KIF1A: variants seen among roughly 807,000 people sequenced by gnomAD.
KIF1A encodes kinesin-like protein KIF1A.
Under a neutral mutation model 227.3 loss-of-function variants are expected in KIF1A, and 46 were observed. The observed-to-expected ratio is 0.20, with a 90% CI of 0.16 to 0.26. KIF1A has a LOEUF of 0.26. KIF1A is among the 10% of genes least tolerant of loss of function. The pLI is 1.00. For missense variants in KIF1A, 1,683 were observed against 2,485.9 expected (o/e 0.68, Z 6.87); for synonymous variants, 1,022 against 1,012.8 (o/e 1.01, Z -0.17).
At chr2:240,720,872 C>G (rs1474607024) in intron 45 of KIF1A, 42 bp downstream of exon 45, 5 of 1,515,808 alleles carry the variant, frequency 3.3e-6, no homozygotes, top group Non-Finnish European at 4.5e-6. Context: ...ATGGGTCAGC[C>G]GTGGTGCCAG....
intron 23 of KIF1A, among the ~76,000 whole-genome samples, chr2:240,762,039 C>T (rs1575588758): frequency 1.3e-5 from 2 of 152,234 alleles, no homozygotes; most frequent in Admixed American, 1.3e-4. Context: ...CCTCCCAACA[C>T]AGCACTACAC....
At position 240,737,143 on chromosome 2, in the gene KIF1A, G is replaced by C. The variant is rs745933421; in HGVS notation, c.3927C>G (p.Thr1309=). ...VVGRIRNTPE[T]DESLIDPNIL... is the part of the protein sequence containing the mutation. ...TGTTGGGGTCGATCAGGGACTCGTC[G>C]GTCTCTGGAGTGTTTCGGATGCGGC... The change falls in exon 38 of 49, where the codon ACC becomes ACG. Residue 1309 remains threonine (T), a synonymous_variant. Transcript: ENST00000498729. 1 of 1,613,506 alleles carries C rather than the reference G, an allele frequency of 6.2e-7. No individual in the cohort carries two copies. The highest frequency in any genetic ancestry group is 1.7e-5 in the Admixed American group (1 of 59,990).
intron 1 of KIF1A, among the ~76,000 whole-genome samples, chr2:240,817,917 C>T (rs1471322657): frequency 6.6e-6 from 1 of 152,216 alleles, no homozygotes. Flanking sequence ...GGGCAGTGAC[C>T]CCAGTTTTAA....
At position 240,790,727 on chromosome 2, in the gene KIF1A, G is replaced by T. The variant is rs1414298366; in HGVS notation, c.107-1415C>A. ...AAGAGGAGATTTGGAGACAGGGAGG[G>T]TGCCATGAGAACATGAGGGCAGAGA... is the stretch of plus-strand genomic sequence containing the variant. On this transcript the variant is annotated intron_variant, in intron 2 of 48. Transcript: ENST00000498729. This position sits in a 1 kb window ranked among gnomAD's most constrained non-coding sequence, Gnocchi z 5.0. Among the ~76,000 whole-genome samples, 1 of 152,018 alleles carries T rather than the reference G, an allele frequency of 6.6e-6. No individual in the cohort carries two copies. The highest frequency in any genetic ancestry group is 2.4e-5 in the African/African-American group (1 of 41,382).
chr2:240,719,462 C>T (rs1266871281), intron 46 of KIF1A, among the ~76,000 whole-genome samples: 1 of 152,250 alleles, frequency 6.6e-6, no homozygotes, highest in Non-Finnish European at 1.5e-5. Context: ...TGAAGGCTGT[C>T]ACACTGTACC....
At chr2:240,747,137 C>T in intron 29 of KIF1A, 99 bp downstream of exon 29, 1 of 797,632 alleles carries the variant, frequency 1.3e-6, no homozygotes, top group Non-Finnish European at 2.1e-6. Flanking sequence ...ACTCAGGGCC[C>T]GTGGGATGGG....
chr2:240,763,016 C>A lies in KIF1A; in HGVS notation c.2022+3G>T. The A allele has an allele frequency of 6.7e-7, 1 of 1,495,588 alleles. No individual in the cohort carries two copies. The highest frequency in any genetic ancestry group is 8.9e-7 in the Non-Finnish European group (1 of 1,124,262). 92.6% of individuals were successfully genotyped at this position (1,495,588 alleles called of 1,614,324 possible). Reference sequence around the variant, plus strand: ...GCAGGGAGGGCGGGGCCACGTCACTCACCAGCCGCTGCTGCTCCAGCAGGT... The same window carrying A: ...GCAGGGAGGGCGGGGCCACGTCACTAACCAGCCGCTGCTGCTCCAGCAGGT... On this transcript the variant is annotated splice_donor_region_variant and intron_variant, in intron 22 of 48. Transcript: ENST00000498729.
chr2:240,760,324 G>A (rs917500469), intron 25 of KIF1A, among the ~76,000 whole-genome samples: 40 of 152,280 alleles, frequency 2.6e-4, no homozygotes, highest in Admixed American at 1.8e-3. Context: ...TTGGCGCTCC[G>A]CCAGCCTGTT....
intron 32 of KIF1A, 31 bp downstream of exon 32, chr2:240,745,396 C>G: frequency 6.5e-7 from 1 of 1,528,386 alleles, no homozygotes; most frequent in Non-Finnish European, 9.1e-7. Flanking sequence ...CAGTCAGTGG[C>G]AGGGATGGGG....
rs936396818 is a variant in KIF1A at position 240,775,146 on chromosome 2, C to T, written c.958+705G>A. ...GGCCCATCCATCCGCAGGCCTGCTG[C>T]GGTCTGCAATACTGACCTGAGCTGG... On this transcript the variant is annotated intron_variant, in intron 11 of 48. Coordinates refer to ENST00000498729, the MANE Select transcript of KIF1A (RefSeq NM_001244008.2). This position sits in a 1 kb window ranked among gnomAD's most constrained non-coding sequence, Gnocchi z 5.5. 2.0e-5 allele frequency among the ~76,000 whole-genome samples: 3 copies of T among 152,226 alleles called. No homozygotes were observed. The highest frequency in any genetic ancestry group is 2.9e-5 in the Non-Finnish European group (2 of 68,038).
In KIF1A at chr2:240,804,288, T is replaced by C. The variant is rs374694402; in HGVS notation, c.-60-6476A>G. ...CTCAAAAAAGTAATAATAATAACAA[T>C]AATATTTCCCAACAGAGAGCAAAAG... is the stretch of plus-strand genomic sequence containing the variant. On this transcript the variant is annotated intron_variant, in intron 1 of 48. Transcript: ENST00000498729. Among the ~76,000 whole-genome samples, 7 of 152,182 alleles carry C rather than the reference T, an allele frequency of 4.6e-5. No individual in the cohort carries two copies. In the South Asian group the frequency reaches 1.2e-3, roughly 27 times the overall value.
chr2:240,755,721 G>A (rs2049771094), intron 27 of KIF1A, among the ~76,000 whole-genome samples: 1 of 152,200 alleles, frequency 6.6e-6, no homozygotes, highest in Admixed American at 6.5e-5. Context: ...AATGTTGGAA[G>A]GACCCAGCTC....
chr2:240,817,721 C>T (rs983758492), intron 1 of KIF1A, among the ~76,000 whole-genome samples: 9 of 152,192 alleles, frequency 5.9e-5, no homozygotes, highest in African/African-American at 1.4e-4. Context: ...TTGGCCGGCC[C>T]GGCTGAGTGG....
At position 240,762,735 on chromosome 2, in the gene KIF1A, C is replaced by T. The variant is rs374701055; in HGVS notation, c.2100G>A (p.Glu700=). ...ACCCCTCACCTTCATCCTCGGGCTC[C>T]TCCTCCTCCTCGTTCACCTCCGGGT... ...RYYPEVNEEE[E]EPEDEVQWTE... is the part of the protein sequence containing the mutation. Residue 700 remains glutamate, a synonymous_variant, in exon 23 of 49, where the codon GAG becomes GAA. Coordinates refer to ENST00000498729, the MANE Select transcript of KIF1A (RefSeq NM_001244008.2). The T allele has an allele frequency of 5.0e-6, 8 of 1,594,388 alleles. No individual in the cohort carries two copies. Among genetic ancestry groups the T allele is most frequent in the Non-Finnish European group, 6.9e-6 (8 of 1,165,290 alleles).
intron 1 of KIF1A, among the ~76,000 whole-genome samples, chr2:240,806,331 A>C (rs986286744): frequency 2.0e-5 from 3 of 152,266 alleles, no homozygotes; most frequent in African/African-American, 7.2e-5. Context: ...GTACTAGTCC[A>C]TTCCTGGATA....
chr2:240,765,508 T>C lies in KIF1A; in HGVS notation c.1768+202A>G, dbSNP rs564932819. Among the ~76,000 whole-genome samples the C allele has an allele frequency of 2.0e-5, 3 of 152,318 alleles. No individual in the cohort carries two copies. In the South Asian group the frequency reaches 6.2e-4, roughly 32 times the overall value. ...CCCTGTGTTGTGTGAATGGGGCCTGTAGTGCTGTGTTCCTGGAGTTGGGGG... is the reference window on the plus strand; with the variant it reads ...CCCTGTGTTGTGTGAATGGGGCCTGCAGTGCTGTGTTCCTGGAGTTGGGGG... On this transcript the variant is annotated intron_variant, in intron 20 of 48. Transcript: ENST00000498729.
rs1419168988 is a variant in KIF1A at position 240,786,493 on chromosome 2, G to A, written c.450C>T (p.Tyr150=). 2 of 1,613,298 alleles carry A rather than the reference G, an allele frequency of 1.2e-6. No individual in the cohort carries two copies. Among genetic ancestry groups the A allele is most frequent in the Non-Finnish European group, 1.7e-6 (2 of 1,179,722 alleles). The change falls in exon 6 of 49, where the codon TAC becomes TAT. Residue 150 remains tyrosine, a synonymous_variant. Coordinates refer to ENST00000498729, the MANE Select transcript of KIF1A (RefSeq NM_001244008.2). ...TCAGGAGGTCACGGACGCGCTCACA[G>A]TAAATCTCCATGTAGCTGACCTGCA... ...YSVEVSYMEI[Y]CERVRDLLNP... is the part of the protein sequence containing the mutation.
In KIF1A at chr2:240,737,166, G is replaced by A. The variant is rs767151093; in HGVS notation, c.3904C>T (p.Arg1302Cys). The A allele has an allele frequency of 7.4e-6, 12 of 1,613,156 alleles. No homozygotes were observed. The highest frequency in any genetic ancestry group is 4.4e-5 in the South Asian group (4 of 91,054). Residue 1302 changes from arginine (R) to cysteine (C), a missense_variant and splice_region_variant, in exon 38 of 49, where the codon CGC (arginine) becomes TGC (cysteine). Coordinates refer to ENST00000498729, the MANE Select transcript of KIF1A (RefSeq NM_001244008.2). ...WKEVRELVVG[R>C]IRNTPETDES... is the part of the protein sequence containing the mutation. ...TCGGTCTCTGGAGTGTTTCGGATGC[G>A]GCCTGCAGAAAAGGCAACGGGCCAC...
rs540947930 is a variant in KIF1A, at chr2:240,798,661, A to G, written c.-60-849T>C. 1.4e-4 allele frequency among the ~76,000 whole-genome samples: 21 copies of G among 152,344 alleles called. No homozygotes were observed. The East Asian group carries it at 2.3e-3, about 17-fold the overall frequency. On this transcript the variant is annotated intron_variant, in intron 1 of 48. Transcript: ENST00000498729. ...AGGAAGGCTGATGAAAACTCCCCGC[A>G]AAACAGTGACGAAGCAGCCACTGTG...
Sources: allele counts gnomAD v4.1 joint callset (sites outside exome capture counted in the v4.1 genomes callset), GRCh38; gene constraint gnomAD v4.1.1; non-coding constraint Gnocchi (gnomAD v3.1); transcripts MANE v1.5; gene names NCBI Gene and HGNC (gene_info 2026-07-23, HGNC 2026-07-21).